RTL4: variants seen among roughly 807,000 people sequenced by gnomAD.
RTL4 encodes retrotransposon Gag like 4, also known as retrotransposon Gag-like protein 4.
In RTL4, 4 loss-of-function variants were observed where a neutral mutation model predicts 5.3. The ratio of observed to expected loss-of-function variants is 0.75; its 90% CI spans 0.37 to 1.72. RTL4 has a LOEUF of 1.72. RTL4 is among the 40% of genes most tolerant of loss of function. The pLI is 0.04. For missense variants in RTL4, 260 were observed against 227.1 expected (o/e 1.14, Z -0.93); for synonymous variants, 98 against 87.3 (o/e 1.12, Z -0.68).
At chrX:112,397,290 A>G in the RTL4 span, among the ~76,000 whole-genome samples, 227 of 112,124 alleles carry the variant, frequency 2.0e-3, 1 homozygote, top group African/African-American at 7.2e-3. Context: ...ATTACTTAAA[A>G]TACCTAATGC....
At chrX:112,348,664 T>C in the RTL4 span, among the ~76,000 whole-genome samples, 1 of 110,930 alleles carries the variant, frequency 9.0e-6, no homozygotes. Flanking sequence ...GCACGTTCCT[T>C]AAAGTAGGTT....
the RTL4 span, among the ~76,000 whole-genome samples, chrX:112,358,275 A>AT: frequency 0.3 from 28,154 of 92,951 alleles, 4,440 homozygotes; most frequent in African/African-American, 0.53. Context: ...TAACTTATGC[A>AT]TTTTTTTTTT....
At chrX:112,197,965 T>C in the RTL4 span, among the ~76,000 whole-genome samples, 6 of 111,355 alleles carry the variant, frequency 5.4e-5, no homozygotes, top group Non-Finnish European at 9.4e-5. Flanking sequence ...AAATAGCTAA[T>C]CTCTAACTGC....
the RTL4 span, among the ~76,000 whole-genome samples, chrX:112,275,487 G>C: frequency 1.8e-5 from 2 of 111,851 alleles, no homozygotes; most frequent in Non-Finnish European, 3.8e-5. Context: ...CAAACAAAAA[G>C]GTTCAAATGC....
At chrX:112,149,381 C>T in the RTL4 span, among the ~76,000 whole-genome samples, 1 of 111,552 alleles carries the variant, frequency 9.0e-6, no homozygotes, top group East Asian at 2.8e-4. Flanking sequence ...AGTATTACAT[C>T]AGAAGTATCT....
the RTL4 span, among the ~76,000 whole-genome samples, chrX:112,282,448 T>A: frequency 8.9e-6 from 1 of 112,118 alleles, no homozygotes; most frequent in Non-Finnish European, 1.9e-5. Context: ...GTTGTTCTTT[T>A]TGTTCAAGAT....
the RTL4 span, among the ~76,000 whole-genome samples, chrX:112,112,784 C>A: frequency 9.0e-6 from 1 of 111,728 alleles, no homozygotes. Flanking sequence ...ACCCTTGGGG[C>A]AAGACCATCC....
chrX:112,201,830 C>T, the RTL4 span, among the ~76,000 whole-genome samples: 1 of 111,481 alleles, frequency 9.0e-6, no homozygotes, highest in Non-Finnish European at 1.9e-5. Flanking sequence ...ACAGAGATAT[C>T]CCAAGTACAC....
the RTL4 span, among the ~76,000 whole-genome samples, chrX:112,211,970 A>G: frequency 4.2e-4 from 47 of 112,457 alleles, no homozygotes; most frequent in Non-Finnish European, 6.2e-4. Context: ...ACAGCATGGT[A>G]TCTTTACTAC....
the RTL4 span, among the ~76,000 whole-genome samples, chrX:112,192,109 T>C: frequency 5.8e-5 from 6 of 103,824 alleles, no homozygotes; most frequent in African/African-American, 2.2e-4. Context: ...TGATCATGTA[T>C]CCTGCAAATA....
chrX:112,297,807 TC>T, the RTL4 span, among the ~76,000 whole-genome samples: 2 of 111,792 alleles, frequency 1.8e-5, no homozygotes, highest in Non-Finnish European at 3.8e-5. Flanking sequence ...ATAGGCCTAC[TC>T]AGCTTAGAGG....
the RTL4 span, among the ~76,000 whole-genome samples, chrX:112,348,843 TACA>T: frequency 1.8e-5 from 2 of 110,453 alleles, no homozygotes; most frequent in Admixed American, 9.8e-5. Flanking sequence ...GTATGGGTCA[TACA>T]ACAAGGAGAG....
the RTL4 span, among the ~76,000 whole-genome samples, chrX:112,349,308 C>T: frequency 9.0e-6 from 1 of 111,357 alleles, no homozygotes; most frequent in African/African-American, 3.3e-5. Context: ...GCCCTTTTTG[C>T]TTCAGAATTC....
chrX:112,456,552 G>A (rs1480703910), exon 1 of RTL4: 4 of 294,203 alleles, frequency 1.4e-5, no homozygotes, highest in Admixed American at 6.3e-5. Flanking sequence ...AGTTGGGGAT[G>A]GTGTGTCATA....
the RTL4 span, among the ~76,000 whole-genome samples, chrX:112,128,106 C>T: frequency 3.6e-5 from 4 of 111,082 alleles, no homozygotes; most frequent in African/African-American, 6.5e-5. Flanking sequence ...CTTAATTATC[C>T]TAAATATCCC....
At chrX:112,370,692 C>T in the RTL4 span, among the ~76,000 whole-genome samples, 1 of 110,774 alleles carries the variant, frequency 9.0e-6, no homozygotes, top group Non-Finnish European at 1.9e-5. Flanking sequence ...CTGAAAGGTT[C>T]ATATTTTAGG....
chrX:112,278,982 A>G, the RTL4 span, among the ~76,000 whole-genome samples: 1 of 111,733 alleles, frequency 8.9e-6, no homozygotes, highest in East Asian at 2.8e-4. Context: ...AGCAAAAATG[A>G]GTGAAAGGAT....
the RTL4 span, among the ~76,000 whole-genome samples, chrX:112,121,677 T>G: frequency 9.0e-6 from 1 of 111,623 alleles, no homozygotes; most frequent in Non-Finnish European, 1.9e-5. Flanking sequence ...ATAGGTAAAA[T>G]ATTTTTTAAA....
At chrX:112,165,983 G>C in the RTL4 span, among the ~76,000 whole-genome samples, 1 of 112,494 alleles carries the variant, frequency 8.9e-6, no homozygotes, top group South Asian at 3.7e-4. Context: ...CTCTTAAAGA[G>C]GAAGGAGATT....
Sources: gnomAD v4.1 joint callset for allele counts (sites outside exome capture counted in the v4.1 genomes callset) on GRCh38, gnomAD v4.1.1 for gene constraint, MANE v1.5 for transcripts, NCBI Gene and HGNC (gene_info 2026-07-23, HGNC 2026-07-21) for gene names.